The following CAMK1D variants were observed in gnomAD, a reference collection of about 807,000 sequenced individuals.
CAMK1D encodes the protein calcium/calmodulin-dependent protein kinase type 1D.
Under a neutral mutation model 47.7 loss-of-function variants are expected in CAMK1D, and 9 were observed. The observed-to-expected ratio is 0.19, with a 90% confidence interval of 0.11 to 0.33. CAMK1D has a LOEUF of 0.33. Ranked by LOEUF, CAMK1D falls within the 10% of genes least tolerant of loss-of-function variation. The pLI, the probability that CAMK1D is intolerant of heterozygous loss-of-function variation, is 1.00. For missense variants in CAMK1D, 291 were observed against 488.7 expected (o/e 0.60, Z 3.81); for synonymous variants, 184 against 184.9 (o/e 0.99, Z 0.04).
At chr10:12,693,420 C>T (rs998688386) in intron 3 of CAMK1D, among the ~76,000 whole-genome samples, 6 of 151,730 alleles carry the variant, frequency 4.0e-5, no homozygotes, top group African/African-American at 9.7e-5. Flanking sequence ...TGGCCTCCAG[C>T]GTGGGCAATG....
chr10:12,648,563 C>G (rs1839874304), intron 2 of CAMK1D, among the ~76,000 whole-genome samples: 1 of 152,288 alleles, frequency 6.6e-6, no homozygotes, highest in Admixed American at 6.5e-5. Flanking sequence ...CTCCGCCCCC[C>G]AGATTCAAGC....
chr10:12,698,673 A>ATTTTTTTTTTTTTTTT (rs573723767), intron 3 of CAMK1D, among the ~76,000 whole-genome samples: 6 of 103,902 alleles, frequency 5.8e-5, no homozygotes, highest in African/African-American at 1.8e-4. Context: ...CCTTTAAAGA[A>ATTTTTTTTTTTTTTTT]TTTTTTTTTT....
chr10:12,744,990 A>T (rs1258549945), intron 3 of CAMK1D, among the ~76,000 whole-genome samples: 1 of 152,236 alleles, frequency 6.6e-6, no homozygotes, highest in Non-Finnish European at 1.5e-5. Flanking sequence ...TATAGTGGCC[A>T]TGGCTGCTGA....
chr10:12,402,259 C>G (rs913701546), intron 1 of CAMK1D, among the ~76,000 whole-genome samples: 2 of 151,840 alleles, frequency 1.3e-5, no homozygotes, highest in African/African-American at 2.4e-5. Context: ...TTTGAGACAG[C>G]ATTTCAATCT....
intron 3 of CAMK1D, among the ~76,000 whole-genome samples, chr10:12,696,492 G>A (rs768024982): frequency 1.3e-4 from 20 of 152,082 alleles, no homozygotes; most frequent in Non-Finnish European, 2.2e-4. Flanking sequence ...AGCCTATATC[G>A]TGCCATTGCA....
At chr10:12,448,250 C>G (rs559457967) in intron 1 of CAMK1D, among the ~76,000 whole-genome samples, 1 of 152,076 alleles carries the variant, frequency 6.6e-6, no homozygotes, top group Admixed American at 6.5e-5. Flanking sequence ...ATCTTGAACT[C>G]CTGGCCTCAA....
At chr10:12,480,992 G>T (rs1381147908) in intron 1 of CAMK1D, among the ~76,000 whole-genome samples, 2 of 152,146 alleles carry the variant, frequency 1.3e-5, no homozygotes, top group African/African-American at 4.8e-5. Context: ...AGCTAACTTG[G>T]GGGGAAATTT....
intron 3 of CAMK1D, among the ~76,000 whole-genome samples, chr10:12,695,355 A>G (rs1439423441): frequency 1.3e-5 from 2 of 152,000 alleles, no homozygotes; most frequent in Non-Finnish European, 2.9e-5. Context: ...TGGGCTGCAC[A>G]TTGTGACTTT....
intron 1 of CAMK1D, among the ~76,000 whole-genome samples, chr10:12,357,130 A>C (rs1211066007): frequency 1.3e-5 from 2 of 152,030 alleles, no homozygotes; most frequent in Non-Finnish European, 2.9e-5. Context: ...ATTACTGGTC[A>C]ACTTGCCCAC....
intron 8 of CAMK1D, among the ~76,000 whole-genome samples, chr10:12,822,596 C>A (rs1321857397): frequency 6.6e-6 from 1 of 152,212 alleles, no homozygotes; most frequent in Non-Finnish European, 1.5e-5. Context: ...TGGAGCCTGG[C>A]TCTGCCCTGC....
At chr10:12,378,809 CTTTTCT>C (rs1838258514) in intron 1 of CAMK1D, among the ~76,000 whole-genome samples, 3 of 111,884 alleles carry the variant, frequency 2.7e-5, no homozygotes, top group Admixed American at 1.4e-4. Context: ...TTTTCTTTTT[CTTTTCT>C]TTTTTTTTTT....
At position 12,668,967 on chromosome 10, in the gene CAMK1D, C is replaced by T. The variant is rs182702869; in HGVS notation, c.299+2157C>T. Among the ~76,000 whole-genome samples the T allele has an allele frequency of 3.9e-3, 593 of 152,060 alleles. 7 individuals carry two copies. Among genetic ancestry groups the T allele is most frequent in the African/African-American group, 0.013 (547 of 41,496 alleles). On this transcript the variant is annotated intron_variant, in intron 3 of 10. Coordinates refer to ENST00000619168, the MANE Select transcript of CAMK1D (RefSeq NM_153498.4). The stretch of plus-strand genomic sequence containing the variant: ...ACCTCATTGGCCCGGCATGGTGGCT[C>T]ACGCCTGCAATCCCAGCACTTTGGG...
rs567524804 is a variant in CAMK1D, at chr10:12,555,128, A to G, written c.224+1772A>G. ...CATAGCAAGAATCTCTGTACAGATA[A>G]GCAAAGCAGAATGAGAACAAGCCTT... is the stretch of plus-strand genomic sequence containing the variant. On this transcript the variant is annotated intron_variant, in intron 2 of 10. Transcript: ENST00000619168. Among the ~76,000 whole-genome samples the G allele has an allele frequency of 1.4e-4, 21 of 152,366 alleles. No individual in the cohort carries two copies. In the South Asian group the frequency reaches 4.1e-3, roughly 30 times the overall value.
chr10:12,426,957 C>T (rs182789035), intron 1 of CAMK1D, among the ~76,000 whole-genome samples: 14 of 151,402 alleles, frequency 9.2e-5, no homozygotes, highest in African/African-American at 1.7e-4. Context: ...TCAAGTGATC[C>T]GCCTGCCTCG....
At chr10:12,530,676 T>A (rs1835776269) in intron 1 of CAMK1D, among the ~76,000 whole-genome samples, 1 of 152,192 alleles carries the variant, frequency 6.6e-6, no homozygotes, top group African/African-American at 2.4e-5. Context: ...TTCCCCCTAG[T>A]TTCTGCCAAG....
chr10:12,475,360 A>G (rs1833871388), intron 1 of CAMK1D, among the ~76,000 whole-genome samples: 2 of 152,136 alleles, frequency 1.3e-5, no homozygotes, highest in South Asian at 2.1e-4. Flanking sequence ...GGGATCTCAT[A>G]TAAGTGGAGT....
chr10:12,362,941 G>GT (rs1208725673), intron 1 of CAMK1D, among the ~76,000 whole-genome samples: 3 of 132,044 alleles, frequency 2.3e-5, no homozygotes, highest in Non-Finnish European at 5.1e-5. Context: ...ACCCCGCCCG[G>GT]CCTTTTTTTT....
chr10:12,535,126 C>T (rs1483139978), intron 1 of CAMK1D, among the ~76,000 whole-genome samples: 1 of 152,134 alleles, frequency 6.6e-6, no homozygotes, highest in Non-Finnish European at 1.5e-5. Flanking sequence ...ACAGTCCCTG[C>T]TACAGCCCAT....
At chr10:12,372,491 GC>G (rs1320368616) in intron 1 of CAMK1D, among the ~76,000 whole-genome samples, 14 of 152,216 alleles carry the variant, frequency 9.2e-5, no homozygotes, top group Non-Finnish European at 1.5e-4. Context: ...GGTCAGTTTT[GC>G]CCCTTGAGCT....
Sources: allele counts gnomAD v4.1 joint callset (sites outside exome capture counted in the v4.1 genomes callset), GRCh38; gene constraint gnomAD v4.1.1; transcripts MANE v1.5; gene names NCBI Gene and HGNC (gene_info 2026-07-23, HGNC 2026-07-21).